NTRK2: variants seen among roughly 807,000 people sequenced by gnomAD.
NTRK2 encodes BDNF/NT-3 growth factors receptor.
A neutral mutation model predicts 94.5 loss-of-function variants in NTRK2; 13 were observed. The ratio of observed to expected loss-of-function variants is 0.14; its 90% confidence interval spans 0.09 to 0.22. The LOEUF is 0.22. Ranked by LOEUF, NTRK2 falls within the 10% of genes least tolerant of loss-of-function variation. The pLI, the probability that NTRK2 is intolerant of heterozygous loss-of-function variation, is 1.00. For missense variants in NTRK2, 639 were observed against 1,071.2 expected, an observed-to-expected ratio of 0.60 and a Z score of 5.63; for synonymous variants, 372 against 407.4, an observed-to-expected ratio of 0.91 and a Z score of 1.05.
chr9:84,685,365 C>CTTTTTTT (rs35011896), intron 2 of NTRK2, among the ~76,000 whole-genome samples: 1 of 143,468 alleles, frequency 7.0e-6, no homozygotes, highest in African/African-American at 2.6e-5. Context: ...ACAGCTTCTT[C>CTTTTTTT]TTTTTTTTTT....
At chr9:84,845,459 A>C (rs1490640799) in intron 12 of NTRK2, among the ~76,000 whole-genome samples, 1 of 152,220 alleles carries the variant, frequency 6.6e-6, no homozygotes, top group Non-Finnish European at 1.5e-5. Flanking sequence ...TTCTCAGTTT[A>C]ATTGAAAGAC....
In NTRK2 at chr9:85,021,644, C is replaced by G. The variant is rs1832785851; in HGVS notation, c.*207C>G. On this transcript the variant is annotated 3_prime_UTR_variant, in exon 19 of 19. Coordinates refer to ENST00000277120, the MANE Select transcript of NTRK2 (RefSeq NM_006180.6). Reference sequence around the variant, plus strand: ...TATTGACTTCTTTTTGGCATTATCTCTTTCTCTCTTTCCATCTCCCTTGGT... The same window carrying G: ...TATTGACTTCTTTTTGGCATTATCTGTTTCTCTCTTTCCATCTCCCTTGGT... The G allele has an allele frequency of 4.9e-6, 3 of 609,862 alleles. No homozygotes were observed. In the East Asian group the frequency reaches 8.4e-5, roughly 17 times the overall value. 37.8% of individuals were successfully genotyped at this position (609,862 alleles called of 1,614,324 possible). A position where few individuals can be genotyped will look rare whatever the true frequency, so the allele number is the denominator to read the frequency against.
chr9:84,744,921 C>A, intron 10 of NTRK2, 52 bp from the exon 11 acceptor site: 1 of 1,247,944 alleles, frequency 8.0e-7, no homozygotes, highest in Admixed American at 1.7e-5. Flanking sequence ...TGTTTGTTGG[C>A]AGCTTAATGA....
In NTRK2 at chr9:84,761,267, G is replaced by A. The variant is rs115065522; in HGVS notation, c.1396+9182G>A. On this transcript the variant is annotated intron_variant, in intron 12 of 18. Coordinates refer to ENST00000277120, the MANE Select transcript of NTRK2 (RefSeq NM_006180.6). ...CAGAAGAGTCATCTCTGTCTTCAGC[G>A]ACAGTGTAAGGAAGGAAGGGGGAGG... 4.6e-3 allele frequency among the ~76,000 whole-genome samples: 704 copies of A among 152,224 alleles called. 7 individuals are homozygous for A. Among genetic ancestry groups the A allele is most frequent in the African/African-American group, 0.016 (662 of 41,520 alleles).
intron 6 of NTRK2, among the ~76,000 whole-genome samples, chr9:84,713,472 TTACCTGGC>T (rs1267647693): frequency 2.6e-5 from 4 of 152,202 alleles, no homozygotes; most frequent in Non-Finnish European, 5.9e-5. Flanking sequence ...TTTTGTATTG[TTACCTGGC>T]TTTTTTGAAG....
chr9:84,824,039 C>T (rs932302892), intron 12 of NTRK2, among the ~76,000 whole-genome samples: 2 of 152,146 alleles, frequency 1.3e-5, no homozygotes, highest in African/African-American at 2.4e-5. Context: ...TGAGCCAAAG[C>T]CTTGTGGAGG....
chr9:84,811,651 T>G, intron 12 of NTRK2: 6 of 1,065,440 alleles, frequency 5.6e-6, no homozygotes, highest in Non-Finnish European at 6.8e-6. Context: ...ACTGTCATAC[T>G]GCTGGGTTTT....
chr9:84,944,223 A>T (rs1199119848), intron 15 of NTRK2, among the ~76,000 whole-genome samples: 12 of 142,310 alleles, frequency 8.4e-5, no homozygotes, highest in South Asian at 2.2e-4. Context: ...TCTCACACAC[A>T]CACACACACA....
At chr9:84,804,551 G>T (rs2070879397) in intron 12 of NTRK2, among the ~76,000 whole-genome samples, 1 of 152,112 alleles carries the variant, frequency 6.6e-6, no homozygotes, top group Non-Finnish European at 1.5e-5. Context: ...GGTTGAATTG[G>T]GTAATGGATT....
At chr9:84,911,479 G>A (rs1158017856) in intron 14 of NTRK2, among the ~76,000 whole-genome samples, 1 of 151,992 alleles carries the variant, frequency 6.6e-6, no homozygotes, top group Non-Finnish European at 1.5e-5. Flanking sequence ...TTCAAATTAG[G>A]TATTTCATAT....
At chr9:84,958,644 T>A (rs947337062) in intron 17 of NTRK2, among the ~76,000 whole-genome samples, 5 of 152,134 alleles carry the variant, frequency 3.3e-5, no homozygotes, top group African/African-American at 1.2e-4. Context: ...GAACCAGCCT[T>A]GCAATGGCCT....
chr9:84,671,056 TG>T (rs2058670353), intron 2 of NTRK2, 96 bp downstream of exon 2: 1 of 1,168,460 alleles, frequency 8.6e-7, no homozygotes. Flanking sequence ...GTCCCAAGAG[TG>T]GGGAGAAGTC....
chr9:84,706,531 T>TTTTTG (rs2061097898), intron 4 of NTRK2, among the ~76,000 whole-genome samples: 1 of 107,410 alleles, frequency 9.3e-6, no homozygotes, highest in African/African-American at 4.1e-5. Context: ...GTTTTTGTTT[T>TTTTTG]TTTTTTTTTT....
intron 6 of NTRK2, 127 bp downstream of exon 6, chr9:84,710,918 C>T (rs1435772279): frequency 2.3e-6 from 2 of 875,800 alleles, no homozygotes; most frequent in African/African-American, 3.3e-5. Context: ...TCCAGTGACT[C>T]AGACAACATT....
At chr9:84,756,424 T>C (rs760707017) in intron 12 of NTRK2, among the ~76,000 whole-genome samples, 7 of 152,140 alleles carry the variant, frequency 4.6e-5, no homozygotes, top group Non-Finnish European at 7.4e-5. Flanking sequence ...GTGCTCCACA[T>C]TGGGAGCCCT....
intron 14 of NTRK2, among the ~76,000 whole-genome samples, chr9:84,889,030 A>G (rs897381256): frequency 3.7e-5 from 4 of 109,470 alleles, no homozygotes; most frequent in Non-Finnish European, 5.0e-5. Flanking sequence ...TCGCTCTGTC[A>G]CCCAGGCTGG....
intron 14 of NTRK2, among the ~76,000 whole-genome samples, chr9:84,889,330 C>CT (rs1172135436): frequency 6.6e-6 from 1 of 152,180 alleles, no homozygotes; most frequent in Non-Finnish European, 1.5e-5. Flanking sequence ...TTTAAAAACG[C>CT]TTTTAAAAAA....
chr9:84,727,707 A>G lies in NTRK2; in HGVS notation c.907A>G (p.Ile303Val), dbSNP rs1284937999. Residue 303 changes from isoleucine (I) to valine (V), a missense_variant, in exon 9 of 19, where the codon ATT (isoleucine) becomes GTT (valine). By Grantham distance (29) the Ile-to-Val change is conservative. Transcript: ENST00000277120. ...ESPTSDHHWC[I>V]PFTVKGNPKP... The stretch of plus-strand genomic sequence containing the variant: ...TCCAACCTCAGACCACCACTGGTGC[A>G]TTCCATTCACTGTGAAAGGCAACCC... 1 of 1,613,668 alleles carries G rather than the reference A, an allele frequency of 6.2e-7. No individual in the cohort carries two copies. Among genetic ancestry groups the G allele is most frequent in the Non-Finnish European group, 8.5e-7 (1 of 1,180,020 alleles).
chr9:84,799,409 TA>T (rs370807769), intron 12 of NTRK2, among the ~76,000 whole-genome samples: 3 of 152,184 alleles, frequency 2.0e-5, no homozygotes, highest in Non-Finnish European at 1.5e-5. Flanking sequence ...TTCTGAGAAT[TA>T]AAAAACAAAC....
Sources: gnomAD v4.1 joint callset for allele counts (sites outside exome capture counted in the v4.1 genomes callset) on GRCh38, gnomAD v4.1.1 for gene constraint, MANE v1.5 for transcripts, NCBI Gene and HGNC (gene_info 2026-07-23, HGNC 2026-07-21) for gene names.